The following PCDHA9 variants were observed in gnomAD, a reference collection of about 807,000 sequenced individuals.
The protein encoded by PCDHA9 is protocadherin alpha 9.
A neutral mutation model predicts 62.0 loss-of-function variants in PCDHA9; 62 were observed. The observed-to-expected ratio is 1.00, with a 90% CI of 0.81 to 1.23. The LOEUF (loss-of-function observed/expected upper bound fraction) is 1.23, where lower values mean the gene tolerates loss of function less well. PCDHA9 is among the 50% of genes most tolerant of loss of function. PCDHA9 has a pLI of 0.00. For synonymous variants in PCDHA9, 557 were observed against 567.6 expected, an observed-to-expected ratio of 0.98 and a Z score of 0.27; for missense variants, 1,205 against 1,249.8, an observed-to-expected ratio of 0.96 and a Z score of 0.54.
rs782304851 is a variant in PCDHA9 at position 140,856,941 on chromosome 5, C to T, written c.2394+6052C>T. ...AGGAAATTTTGGATAAACGAAAGGA[C>T]GGGAGAAATAAAAGTAAATGATGCT... On this transcript the variant is annotated intron_variant, in intron 1 of 3. Coordinates refer to ENST00000532602, the MANE Select transcript of PCDHA9 (RefSeq NM_031857.2). The T allele has an allele frequency of 1.9e-6, 3 of 1,592,588 alleles. No homozygotes were observed. Among genetic ancestry groups the T allele is most frequent in the Admixed American group, 3.4e-5 (2 of 59,186 alleles).
At chr5:140,962,781 T>A (rs1466674099) in intron 1 of PCDHA9, among the ~76,000 whole-genome samples, 1 of 152,228 alleles carries the variant, frequency 6.6e-6, no homozygotes, top group African/African-American at 2.4e-5. Context: ...ATGGAATTTT[T>A]AAAAACTACT....
intron 1 of PCDHA9, chr5:140,863,570 G>A (rs912173891): frequency 1.9e-5 from 7 of 370,768 alleles, no homozygotes; most frequent in South Asian, 4.2e-5. Flanking sequence ...GAGAATATAA[G>A]TACTGTAATC....
At chr5:140,858,328 G>T (rs782462952) in intron 1 of PCDHA9, 1 of 1,596,534 alleles carries the variant, frequency 6.3e-7, no homozygotes, top group South Asian at 1.1e-5. Context: ...GTTCTGGGGA[G>T]GGCCTGCCCA....
In PCDHA9 at chr5:140,904,730, A is replaced by AT. The variant is rs538757271; in HGVS notation, c.2394+53848dup. 7.6e-4 allele frequency among the ~76,000 whole-genome samples: 116 copies of AT among 152,104 alleles called. 1 individual carries two copies. The highest frequency in any genetic ancestry group is 6.8e-3 in the Middle Eastern group (2 of 294). On this transcript the variant is annotated intron_variant, in intron 1 of 3. Transcript: ENST00000532602. ...CACCACATTCTGGCCAACATCTATT[A>AT]TTTTTTTATTATGACCATTTTTGCA...
chr5:140,870,627 G>C, intron 1 of PCDHA9: 4 of 1,613,028 alleles, frequency 2.5e-6, no homozygotes, highest in Non-Finnish European at 3.4e-6. Context: ...GCTACGTGTC[G>C]GTGCACGCGG....
chr5:140,863,196 G>A (rs782500346), intron 1 of PCDHA9: 4 of 874,850 alleles, frequency 4.6e-6, no homozygotes, highest in Non-Finnish European at 7.2e-6. Flanking sequence ...TGGTGGCGTC[G>A]CTGGCGGAGA....
intron 1 of PCDHA9, among the ~76,000 whole-genome samples, chr5:140,871,917 C>T (rs1156778814): frequency 2.0e-5 from 3 of 152,178 alleles, no homozygotes; most frequent in Admixed American, 2.0e-4. Context: ...CTTGATATTT[C>T]CACATTGTTA....
chr5:140,871,072 G>T, intron 1 of PCDHA9: 1 of 1,613,238 alleles, frequency 6.2e-7, no homozygotes, highest in South Asian at 1.1e-5. Context: ...CGGTGAGCCG[G>T]CGCTGACGGC....
intron 1 of PCDHA9, among the ~76,000 whole-genome samples, chr5:140,954,013 C>T (rs942687934): frequency 6.6e-6 from 1 of 152,172 alleles, no homozygotes; most frequent in African/African-American, 2.4e-5. Context: ...TCAGCTCCCA[C>T]ACATAGTGGG....
At chr5:140,943,376 C>G (rs2093486935) in intron 1 of PCDHA9, among the ~76,000 whole-genome samples, 1 of 150,084 alleles carries the variant, frequency 6.7e-6, no homozygotes, top group Non-Finnish European at 1.5e-5. Flanking sequence ...TTAAAATATA[C>G]AGGTAAGAAA....
At chr5:140,860,134 T>C (rs1179708512) in intron 1 of PCDHA9, 1 of 150,772 alleles carries the variant, frequency 6.6e-6, no homozygotes, top group African/African-American at 2.4e-5. Flanking sequence ...TGTGTGTGTG[T>C]ATATATATGT....
At chr5:140,905,333 T>A (rs180881008) in intron 1 of PCDHA9, among the ~76,000 whole-genome samples, 2 of 152,324 alleles carry the variant, frequency 1.3e-5, no homozygotes, top group Admixed American at 1.3e-4. Flanking sequence ...TTGTTGAAGA[T>A]CAGTTGGCTG....
Position 140,848,690 on chromosome 5 carries a change from G to A in PCDHA9, c.195G>A (p.Gln65=). 8 of 1,592,462 alleles carry A rather than the reference G, an allele frequency of 5.0e-6. No individual in the cohort carries two copies. Among genetic ancestry groups the A allele is most frequent in the Non-Finnish European group, 6.9e-6 (8 of 1,163,330 alleles). Residue 65 remains glutamine, a synonymous_variant, in exon 1 of 4, where the codon CAG becomes CAA. Transcript: ENST00000532602. ...ELAELVPRLF[Q]LDSKGRGDLL... ...CGGAGCTGGTGCCGCGCCTGTTCCA[G>A]TTGGATTCCAAAGGCCGCGGGGACC...
intron 1 of PCDHA9, among the ~76,000 whole-genome samples, chr5:140,945,772 T>A (rs538344111): frequency 1.2e-4 from 18 of 152,228 alleles, no homozygotes; most frequent in African/African-American, 4.1e-4. Context: ...GACAATTTGA[T>A]ATCCAGATGC....
intron 1 of PCDHA9, chr5:140,927,477 G>A: frequency 6.2e-7 from 1 of 1,614,118 alleles, no homozygotes; most frequent in Non-Finnish European, 8.5e-7. Flanking sequence ...ATCGCGAACA[G>A]CGCGCCACCC....
At chr5:140,870,164 T>A in intron 1 of PCDHA9, 1 of 1,614,174 alleles carries the variant, frequency 6.2e-7, no homozygotes, top group African/African-American at 1.3e-5. Context: ...GTGACTTCCT[T>A]GTCCCTCCCA....
intron 1 of PCDHA9, chr5:140,870,169 C>T: frequency 6.2e-7 from 1 of 1,614,140 alleles, no homozygotes; most frequent in Non-Finnish European, 8.5e-7. Flanking sequence ...TTCCTTGTCC[C>T]TCCCAGTACG....
At chr5:140,973,276 C>G (rs1416819589) in intron 1 of PCDHA9, among the ~76,000 whole-genome samples, 1 of 152,132 alleles carries the variant, frequency 6.6e-6, no homozygotes, top group African/African-American at 2.4e-5. Context: ...TTTATTTCCC[C>G]CAGCACTGAT....
rs1320977554 is a variant in PCDHA9, at chr5:140,849,060, G to GT, written c.566dup (p.Pro191ThrfsTer47). ...GGACGTGCCAACCAGCAACCAGCAG[G>GT]TAAAACCTCTTGGACTTGTATTACG... On this transcript the variant is annotated frameshift_variant, in exon 1 of 4. Coordinates refer to ENST00000532602, the MANE Select transcript of PCDHA9 (RefSeq NM_031857.2). LOFTEE classifies it high-confidence loss of function. The GT allele has an allele frequency of 1.3e-6, 2 of 1,548,996 alleles. No individual in the cohort carries two copies. Among genetic ancestry groups the GT allele is most frequent in the Non-Finnish European group, 1.8e-6 (2 of 1,139,700 alleles).
Sources: gnomAD v4.1 joint callset for allele counts (sites outside exome capture counted in the v4.1 genomes callset) on GRCh38, gnomAD v4.1.1 for gene constraint, MANE v1.5 for transcripts, NCBI Gene and HGNC (gene_info 2026-07-23, HGNC 2026-07-21) for gene names.